Variants in IGF2BP1 observed in about 807,000 individuals in gnomAD.
IGF2BP1 encodes the protein insulin-like growth factor 2 mRNA-binding protein 1.
IGF2BP1 carries 11 observed loss-of-function variants against 74.9 expected under a neutral mutation model. The ratio of observed to expected loss-of-function variants is 0.15; its 90% CI spans 0.09 to 0.24. The LOEUF (loss-of-function observed/expected upper bound fraction) is 0.24, where lower values mean the gene tolerates loss of function less well. Among genes scored for constraint, IGF2BP1 ranks in the 10% least tolerant of loss-of-function variants. The probability of loss-of-function intolerance (pLI) is 1.00; values close to 1 mark genes in which losing one functional copy is unlikely to be tolerated. For missense variants in IGF2BP1, 440 were observed against 757.4 expected (o/e 0.58, Z 4.92); for synonymous variants, 287 against 281.8 (o/e 1.02, Z -0.18).
At chr17:49,019,925 TATATATATATATATATATATA>T (rs1567815716) in intron 2 of IGF2BP1, among the ~76,000 whole-genome samples, 2 of 60,630 alleles carry the variant, frequency 3.3e-5, no homozygotes, top group African/African-American at 1.8e-4. Flanking sequence ...TATATATATA[TATATATATATATATATATATA>T]TATTTATATA....
At chr17:49,034,464 T>G (rs1170073304) in intron 5 of IGF2BP1, among the ~76,000 whole-genome samples, 1 of 149,882 alleles carries the variant, frequency 6.7e-6, no homozygotes, top group African/African-American at 2.5e-5. Flanking sequence ...TGCTGTCGGG[T>G]TTAGTGGCTC....
intron 5 of IGF2BP1, among the ~76,000 whole-genome samples, chr17:49,032,583 C>T (rs1157768349): frequency 6.6e-6 from 1 of 152,136 alleles, no homozygotes; most frequent in Non-Finnish European, 1.5e-5. Context: ...TATCCGAGCC[C>T]GTTATAGGCT....
At chr17:49,021,814 A>T (rs1404034337) in intron 2 of IGF2BP1, among the ~76,000 whole-genome samples, 1 of 152,222 alleles carries the variant, frequency 6.6e-6, no homozygotes, top group Non-Finnish European at 1.5e-5. Flanking sequence ...CCATAGGGCA[A>T]AGGCACTTCT....
At chr17:49,016,236 G>A (rs1254225923) in intron 2 of IGF2BP1, among the ~76,000 whole-genome samples, 1 of 152,238 alleles carries the variant, frequency 6.6e-6, no homozygotes, top group South Asian at 2.1e-4. Flanking sequence ...AAGTTGGCAA[G>A]TCTGTTTCCT....
intron 2 of IGF2BP1, among the ~76,000 whole-genome samples, chr17:49,008,343 C>CAACTTATTTA (rs2041575849): frequency 6.6e-6 from 1 of 152,158 alleles, no homozygotes; most frequent in African/African-American, 2.4e-5. Context: ...GGTCTTCCTA[C>CAACTTATTTA]AACTTATTTA....
At chr17:49,033,790 A>C (rs1016221273) in intron 5 of IGF2BP1, among the ~76,000 whole-genome samples, 1 of 152,058 alleles carries the variant, frequency 6.6e-6, no homozygotes, top group Non-Finnish European at 1.5e-5. Flanking sequence ...TCTGTCTCCA[A>C]TTCCTATGTC....
chr17:49,013,423 C>CCCGCCTCCTCCCGCCCT (rs2041646609), intron 2 of IGF2BP1: 1 of 152,260 alleles, frequency 6.6e-6, no homozygotes, highest in African/African-American at 2.4e-5. Context: ...CCTCCCGCCC[C>CCCGCCTCCTCCCGCCCT]GTCCCGCCTC....
intron 2 of IGF2BP1, among the ~76,000 whole-genome samples, chr17:49,022,278 C>T (rs558803499): frequency 6.6e-6 from 1 of 152,270 alleles, no homozygotes; most frequent in South Asian, 2.1e-4. Context: ...GAAGGGAATA[C>T]GGGTTACAGT....
chr17:49,043,666 A>G, intron 10 of IGF2BP1, 116 bp downstream of exon 10: 1 of 1,290,390 alleles, frequency 7.7e-7, no homozygotes, highest in Non-Finnish European at 1.1e-6. Flanking sequence ...AGAGGGAAGG[A>G]AGGTCTCAGA....
intron 2 of IGF2BP1, among the ~76,000 whole-genome samples, chr17:49,019,092 G>A (rs1164707025): frequency 6.6e-6 from 1 of 152,138 alleles, no homozygotes; most frequent in African/African-American, 2.4e-5. Flanking sequence ...TCTAGGGAGG[G>A]GTGAGGGAGG....
At chr17:49,042,447 G>C in intron 9 of IGF2BP1, 70 bp downstream of exon 9, 1 of 1,567,508 alleles carries the variant, frequency 6.4e-7, no homozygotes, top group Non-Finnish European at 8.8e-7. Context: ...TGGGGTGCAG[G>C]GTGATGGACA....
chr17:49,033,850 C>T (rs1293425924), intron 5 of IGF2BP1, among the ~76,000 whole-genome samples: 2 of 152,012 alleles, frequency 1.3e-5, no homozygotes, highest in Non-Finnish European at 1.5e-5. Flanking sequence ...GAGACACTCT[C>T]TCCCTGTTGC....
chr17:49,003,733 C>G (rs908670129), intron 2 of IGF2BP1, among the ~76,000 whole-genome samples: 1 of 135,130 alleles, frequency 7.4e-6, no homozygotes, highest in Non-Finnish European at 1.5e-5. Flanking sequence ...CAGGGGGAGA[C>G]TGGAGAAATC....
chr17:49,010,313 CTTT>C (rs397857828), intron 2 of IGF2BP1, among the ~76,000 whole-genome samples: 27,332 of 103,562 alleles, frequency 0.26, 2,076 homozygotes, highest in Middle Eastern at 0.33. Context: ...TGGTGGTCAT[CTTT>C]TTTTTTTTTT....
At chr17:49,032,703 T>C (rs1264966594) in intron 5 of IGF2BP1, among the ~76,000 whole-genome samples, 1 of 152,212 alleles carries the variant, frequency 6.6e-6, no homozygotes, top group African/African-American at 2.4e-5. Flanking sequence ...CATTTTCTTT[T>C]AGATACCTCC....
At chr17:49,041,602 T>A in intron 8 of IGF2BP1, 102 bp downstream of exon 8, 1 of 1,444,116 alleles carries the variant, frequency 6.9e-7, no homozygotes, top group Non-Finnish European at 9.5e-7. Flanking sequence ...TTAAAATGGG[T>A]GCTCCTTCTG....
intron 6 of IGF2BP1, among the ~76,000 whole-genome samples, 188 bp downstream of exon 6, chr17:49,038,637 A>ATGGGTC (rs1352732135): frequency 1.3e-5 from 2 of 152,076 alleles, no homozygotes; most frequent in Non-Finnish European, 2.9e-5. Flanking sequence ...GGGAGGGAGA[A>ATGGGTC]TGGGTCTGGG....
chr17:49,025,313 AGTGTGTGTGTGTGTGTGTGT>A (rs369153046), intron 2 of IGF2BP1, among the ~76,000 whole-genome samples: 11 of 133,648 alleles, frequency 8.2e-5, no homozygotes, highest in African/African-American at 2.2e-4. Context: ...GGACAAACAA[AGTGTGTGTGTGTGTGTGTGT>A]GTGTGTGTGT....
intron 2 of IGF2BP1, among the ~76,000 whole-genome samples, chr17:49,023,885 C>T (rs528658148): frequency 1.1e-4 from 16 of 151,304 alleles, no homozygotes; most frequent in Non-Finnish European, 2.2e-4. Context: ...TGGGAGTCGA[C>T]CCTGAGCCTG....
Sources: gnomAD v4.1 joint callset for allele counts (sites outside exome capture counted in the v4.1 genomes callset) on GRCh38, gnomAD v4.1.1 for gene constraint, MANE v1.5 for transcripts, NCBI Gene and HGNC (gene_info 2026-07-23, HGNC 2026-07-21) for gene names.